The following G2E3 variants were observed in gnomAD, a reference collection of about 807,000 sequenced individuals.
G2E3 encodes G2/M-phase specific E3 ubiquitin protein ligase.
G2E3 carries 35 observed loss-of-function variants against 92.8 expected under a neutral mutation model. That is an observed-to-expected ratio of 0.38 (90% CI 0.29 to 0.50). G2E3 has a LOEUF of 0.50. Ranked by LOEUF, G2E3 falls within the 20% of genes least tolerant of loss-of-function variation. The pLI is 0.94. For missense variants in G2E3, 554 were observed against 823.8 expected (o/e 0.67, Z 4.01); for synonymous variants, 242 against 272.4 (o/e 0.89, Z 1.10).
chr14:30,585,471 G>T (rs544973821), intron 2 of G2E3, among the ~76,000 whole-genome samples: 1 of 151,958 alleles, frequency 6.6e-6, no homozygotes, highest in Admixed American at 6.6e-5. Context: ...GACCATAGAT[G>T]TATATATTTA....
intron 6 of G2E3, 98 bp downstream of exon 6, chr14:30,593,737 C>A: frequency 1.2e-6 from 1 of 804,720 alleles, no homozygotes; most frequent in Non-Finnish European, 2.0e-6. Flanking sequence ...TATATTACCT[C>A]TTACTACTTG....
Position 30,616,439 on chromosome 14 carries a change from A to G in G2E3, c.2026A>G (p.Asn676Asp). 4 of 1,610,452 alleles carry G rather than the reference A, an allele frequency of 2.5e-6. No homozygotes were observed. The highest frequency in any genetic ancestry group is 3.4e-6 in the Non-Finnish European group (4 of 1,176,852). The stretch of plus-strand genomic sequence containing the variant: ...TAACTGTTTAGCAATTCCCATCACC[A>G]ATACATATAAAGAGTTTCAAGAAAA... Reference protein sequence around the residue: ...CNNCLAIPITNTYKEFQENMD... With the variant: ...CNNCLAIPITDTYKEFQENMD... The change falls in exon 15 of 15, where the codon AAT becomes GAT. Residue 676 changes from asparagine (N) to aspartate (D), a missense_variant. Asn to Asp is a conservative substitution (Grantham distance 23). Around this residue, in one of 3 missense-constraint regions of G2E3, gnomAD observed 397 missense variants for 560.3 expected, o/e 0.71. Coordinates refer to ENST00000206595, the MANE Select transcript of G2E3 (RefSeq NM_017769.5).
At chr14:30,605,915 AC>A in intron 11 of G2E3, 103 bp downstream of exon 11, 2 of 556,452 alleles carry the variant, frequency 3.6e-6, no homozygotes, top group Admixed American at 7.4e-5. Context: ...CTCTAAATAT[AC>A]TGTTCACTTT....
At chr14:30,605,004 C>G (rs1881762050) in intron 10 of G2E3, among the ~76,000 whole-genome samples, 1 of 152,198 alleles carries the variant, frequency 6.6e-6, no homozygotes, top group Non-Finnish European at 1.5e-5. Flanking sequence ...TCAAGTGATT[C>G]TCCTGCCTCA....
At chr14:30,608,133 C>A in intron 12 of G2E3, 64 bp downstream of exon 12, 1 of 880,174 alleles carries the variant, frequency 1.1e-6, no homozygotes, top group Non-Finnish European at 1.7e-6. Context: ...ATGTAAATGA[C>A]TGATCTGCAA....
intron 2 of G2E3, among the ~76,000 whole-genome samples, chr14:30,583,188 A>G (rs1465088313): frequency 1.3e-5 from 2 of 152,190 alleles, no homozygotes; most frequent in Non-Finnish European, 2.9e-5. Flanking sequence ...CTTTTCAGCT[A>G]GTGATTTTCA....
rs775123300 is a variant in G2E3, at chr14:30,561,573, A to G, written c.-5+2301A>G. Among the ~76,000 whole-genome samples the G allele has an allele frequency of 1.0e-3, 158 of 152,332 alleles. 1 individual carries two copies. Among genetic ancestry groups the G allele is most frequent in the Non-Finnish European group, 2.1e-3 (146 of 68,026 alleles). ...AATACTACTAGAATTCTCCAAATCT[A>G]TCTCTTATTACATTTTATGCATATT... On this transcript the variant is annotated intron_variant, in intron 1 of 14. Coordinates refer to ENST00000206595, the MANE Select transcript of G2E3 (RefSeq NM_017769.5).
chr14:30,566,919 T>A (rs930983828), intron 1 of G2E3, among the ~76,000 whole-genome samples: 1 of 152,252 alleles, frequency 6.6e-6, no homozygotes, highest in Non-Finnish European at 1.5e-5. Flanking sequence ...AAATGCTTTT[T>A]CTGCATCTAT....
In G2E3 at chr14:30,601,827, C is replaced by T. The variant is rs1181924229; in HGVS notation, c.810C>T (p.Cys270=). ...GTTCCAGTGGCACACATTTAGCCTG[C>T]TCCTCATTACGGTCATGGGAGCAAA... ...CCGSSGTHLA[C]SSLRSWEQNW... is the part of the protein sequence containing the mutation. Residue 270 remains cysteine (C), a synonymous_variant, in exon 9 of 15, where the codon TGC becomes TGT. Transcript: ENST00000206595. 4 of 1,613,418 alleles carry T rather than the reference C, an allele frequency of 2.5e-6. 1 individual carries two copies. Among genetic ancestry groups the T allele is most frequent in the Non-Finnish European group, 3.4e-6 (4 of 1,179,512 alleles).
At chr14:30,608,109 C>G (rs1352398585) in intron 12 of G2E3, 40 bp downstream of exon 12, 11 of 1,139,830 alleles carry the variant, frequency 9.7e-6, no homozygotes, top group African/African-American at 1.6e-5. Context: ...ACACTACATT[C>G]TAGGTATCTT....
Position 30,615,375 on chromosome 14 carries a change from G to C in G2E3, c.1700G>C (p.Gly567Ala). ...TTTAAGCAGGGTCTGAAAACCCTTG[G>C]TGTTTTGGAGAAAATTCAGGCTTAT... is the stretch of plus-strand genomic sequence containing the variant. ...ESFKQGLKTL[G>A]VLEKIQAYPE... The change falls in exon 14 of 15, where the codon GGT (glycine) becomes GCT (alanine). Residue 567 changes from glycine to alanine, a missense_variant. Gly to Ala is a moderately conservative substitution (Grantham distance 60). Coordinates refer to ENST00000206595, the MANE Select transcript of G2E3 (RefSeq NM_017769.5). The C allele has an allele frequency of 6.3e-7, 1 of 1,599,190 alleles. No individual in the cohort carries two copies. The highest frequency in any genetic ancestry group is 8.5e-7 in the Non-Finnish European group (1 of 1,173,638).
chr14:30,589,418 A>G lies in G2E3; in HGVS notation c.171A>G (p.Glu57=). 1 of 1,605,218 alleles carries G rather than the reference A, an allele frequency of 6.2e-7. No individual in the cohort carries two copies. Among genetic ancestry groups the G allele is most frequent in the Non-Finnish European group, 8.5e-7 (1 of 1,172,458 alleles). The part of the protein sequence containing the change: ...MSSGIWQRGK[E]EEGVYGFLIE... The stretch of plus-strand genomic sequence containing the variant: ...GTGGAATTTGGCAGAGAGGCAAAGA[A>G]GAAGAAGGAGTTTATGGTTTTCTAA... Residue 57 remains glutamate (E), a synonymous_variant, in exon 4 of 15, where the codon GAA becomes GAG. Coordinates refer to ENST00000206595, the MANE Select transcript of G2E3 (RefSeq NM_017769.5).
Position 30,598,549 on chromosome 14 carries a change from T to C in G2E3, c.702T>C (p.Asp234=). 6.2e-7 allele frequency: 1 copy of C among 1,613,912 alleles called. No individual in the cohort carries two copies. Among genetic ancestry groups the C allele is most frequent in the Non-Finnish European group, 8.5e-7 (1 of 1,179,742 alleles). The change falls in exon 8 of 15, where the codon GAT becomes GAC. Residue 234 remains aspartate, a synonymous_variant. Transcript: ENST00000206595. ...TTCTGCAGCACTATGAGCGTTGTGATGTTCGAAGATGTCGTTGCAAAGAAG... is the reference window on the plus strand; with the variant it reads ...TTCTGCAGCACTATGAGCGTTGTGACGTTCGAAGATGTCGTTGCAAAGAAG... ...QELLQHYERC[D]VRRCRCKEGR...
chr14:30,561,818 G>T (rs60350877), intron 1 of G2E3, among the ~76,000 whole-genome samples: 2,546 of 149,608 alleles, frequency 0.017, 91 homozygotes, highest in African/African-American at 0.058. Flanking sequence ...AACACATTTT[G>T]TCTTGGGTTA....
In G2E3 at chr14:30,612,378, AG is replaced by A. The variant is rs1475400495; in HGVS notation, c.1673+1del. ...TCAGAGAGTCCACACACCCTTTGAA[AG>A]GTAAGTTGTTTCTATTAATATATGG... Reference protein sequence around the residue: ...VIQRVHTPFESFKQGLKTLGV... With the variant: ...VIQRVHTPFEXFKQGLKTLGV... On this transcript the variant is annotated frameshift_variant and splice_region_variant, in exon 13 of 15. Coordinates refer to ENST00000206595, the MANE Select transcript of G2E3 (RefSeq NM_017769.5). LOFTEE classifies it high-confidence loss of function. 1 of 1,550,256 alleles carries A rather than the reference AG, an allele frequency of 6.5e-7. No individual in the cohort carries two copies. The highest frequency in any genetic ancestry group is 1.9e-5 in the Admixed American group (1 of 51,822).
At chr14:30,568,995 A>G (rs1294803825) in intron 1 of G2E3, among the ~76,000 whole-genome samples, 2 of 152,150 alleles carry the variant, frequency 1.3e-5, no homozygotes, top group Non-Finnish European at 2.9e-5. Context: ...CCCCAGGTCT[A>G]CCAGACCTTC....
intron 8 of G2E3, among the ~76,000 whole-genome samples, chr14:30,599,363 G>A (rs2138873530): frequency 6.6e-6 from 1 of 152,258 alleles, no homozygotes; most frequent in Admixed American, 6.5e-5. Context: ...GAGTAGTTGG[G>A]ATTACAGGCG....
intron 4 of G2E3, chr14:30,590,837 C>A: frequency 2.3e-6 from 1 of 426,836 alleles, no homozygotes; most frequent in South Asian, 1.7e-5. Flanking sequence ...CTCTAAAGGT[C>A]CCCTTATGGT....
intron 2 of G2E3, among the ~76,000 whole-genome samples, chr14:30,585,715 A>AT (rs1880678847): frequency 7.0e-6 from 1 of 142,794 alleles, no homozygotes; most frequent in Non-Finnish European, 1.5e-5. Flanking sequence ...TCTAATCTTT[A>AT]TTTTTTTGTT....
Sources: gnomAD v4.1 joint callset for allele counts (sites outside exome capture counted in the v4.1 genomes callset) on GRCh38, gnomAD v4.1.1 for gene constraint, gnomAD v4.1.1 regional missense constraint, MANE v1.5 for transcripts, NCBI Gene and HGNC (gene_info 2026-07-23, HGNC 2026-07-21) for gene names.